The following ADAM9 variants were observed in gnomAD, a reference collection of about 807,000 sequenced individuals.
ADAM9 encodes the protein disintegrin and metalloproteinase domain-containing protein 9.
In ADAM9, 54 loss-of-function variants were observed where a neutral mutation model predicts 108.1. That is an observed-to-expected ratio of 0.50 (90% CI 0.40 to 0.63). ADAM9 has a LOEUF of 0.63. Ranked by LOEUF, ADAM9 falls within the 20% of genes least tolerant of loss-of-function variation. ADAM9 has a pLI of 0.00. For missense variants in ADAM9, 830 were observed against 997.7 expected, an observed-to-expected ratio of 0.83 and a Z score of 2.26; for synonymous variants, 316 against 336.0, an observed-to-expected ratio of 0.94 and a Z score of 0.65.
intron 12 of ADAM9, among the ~76,000 whole-genome samples, chr8:39,045,191 C>CATATGTGT (rs1837645617): frequency 4.9e-5 from 4 of 82,340 alleles, no homozygotes; most frequent in Admixed American, 1.2e-4. Flanking sequence ...TGTATACATA[C>CATATGTGT]ATATATGTGT....
rs1319468379 is a variant in ADAM9, at chr8:39,039,793, CTTTG to C, written c.1131-2145_1131-2142del. 9.8e-5 allele frequency among the ~76,000 whole-genome samples: 15 copies of C among 152,286 alleles called. No individual in the cohort carries two copies. The East Asian group carries it at 2.9e-3, about 29-fold the overall frequency. ...AGTTTTGTCCATTCAACTGTTGACA[CTTTG>C]TTTGTTTCCATATCTTGGCTAATGC... On this transcript the variant is annotated intron_variant, in intron 11 of 21. Coordinates refer to ENST00000487273, the MANE Select transcript of ADAM9 (RefSeq NM_003816.3).
chr8:39,054,137 C>G lies in ADAM9; in HGVS notation c.1303-344C>G, dbSNP rs546675839. Among the ~76,000 whole-genome samples, 20 of 152,278 alleles carry G rather than the reference C, an allele frequency of 1.3e-4. No homozygotes were observed. The South Asian group carries it at 4.1e-3, about 32-fold the overall frequency. On this transcript the variant is annotated intron_variant, in intron 12 of 21. Coordinates refer to ENST00000487273, the MANE Select transcript of ADAM9 (RefSeq NM_003816.3). ...CTGCAAGCCAGGAAGAGAATCCTCA[C>G]TAGAAACTGAACTAGTAGGAACCTT...
At chr8:39,020,154 G>A (rs562593479) in intron 7 of ADAM9, among the ~76,000 whole-genome samples, 180 of 152,208 alleles carry the variant, frequency 1.2e-3, no homozygotes, top group African/African-American at 4.3e-3. Context: ...GCGTGGTGGC[G>A]GGCGCCTGTG....
rs575694943 is a variant in ADAM9 at position 39,025,671 on chromosome 8, A to G, written c.915-132A>G. The G allele has an allele frequency of 1.4e-5, 9 of 625,964 alleles. No homozygotes were observed. The African/African-American group carries it at 1.7e-4, about 12-fold the overall frequency. The allele number at this position is 625,964 out of a possible 1,614,324, so 38.8% of individuals were successfully genotyped here. On this transcript the variant is annotated intron_variant, in intron 9 of 21. Coordinates refer to ENST00000487273, the MANE Select transcript of ADAM9 (RefSeq NM_003816.3). ...GGCATAAGTATATTCTGATTTTAGA[A>G]TTTTTTTTTTTTGCCATTTTCCTGC...
In ADAM9 at chr8:39,028,554, G is replaced by A. The variant is rs186818555; in HGVS notation, c.1130+1744G>A. On this transcript the variant is annotated intron_variant, in intron 11 of 21. Transcript: ENST00000487273. ...TAAAATAAAAAAGAAGCATTCAGAG[G>A]TAAGGAGGGAATGTTATGAAACAGT... Among the ~76,000 whole-genome samples the A allele has an allele frequency of 2.4e-3, 371 of 152,310 alleles. 2 individuals carry two copies. Among genetic ancestry groups the A allele is most frequent in the South Asian group, 4.8e-3 (23 of 4,826 alleles).
rs778920955 is a variant in ADAM9, at chr8:39,105,035, T to C, written c.*1335T>C. ...CTCCTAGTAGCTTCCTACTCAACTA[T>C]TTATAATCTCATTAATTAAAAAGTT... On this transcript the variant is annotated 3_prime_UTR_variant, in exon 22 of 22. Transcript: ENST00000487273. 8.9e-5 allele frequency: 37 copies of C among 413,740 alleles called. 2 individuals carry two copies. The highest frequency in any genetic ancestry group is 6.7e-4 in the South Asian group (37 of 55,124). The allele number at this position is 413,740 out of a possible 1,614,324, so 25.6% of individuals were successfully genotyped here.
chr8:39,066,878 A>T (rs41396550), intron 14 of ADAM9, among the ~76,000 whole-genome samples: 4 of 152,084 alleles, frequency 2.6e-5, no homozygotes, highest in African/African-American at 9.7e-5. Context: ...GGTTTGTATG[A>T]TTTTGGGTCT....
intron 12 of ADAM9, among the ~76,000 whole-genome samples, chr8:39,044,272 CG>C (rs1243900139): frequency 6.6e-6 from 1 of 152,082 alleles, no homozygotes; most frequent in Non-Finnish European, 1.5e-5. Flanking sequence ...TTGTGTATGG[CG>C]TAAGATAAGG....
At chr8:39,008,011 T>A in intron 2 of ADAM9, 28 bp downstream of exon 2, 1 of 1,514,744 alleles carries the variant, frequency 6.6e-7, no homozygotes, top group Non-Finnish European at 9.1e-7. Flanking sequence ...AGAAATAATA[T>A]GTGGTTAATT....
At chr8:39,004,141 C>T (rs1219536346) in intron 1 of ADAM9, among the ~76,000 whole-genome samples, 4 of 151,790 alleles carry the variant, frequency 2.6e-5, no homozygotes, top group Non-Finnish European at 5.9e-5. Context: ...TGAGTTGTAA[C>T]GAAAAAACTT....
intron 11 of ADAM9, among the ~76,000 whole-genome samples, chr8:39,034,374 T>G (rs1301540836): frequency 2.0e-5 from 3 of 152,196 alleles, no homozygotes; most frequent in African/African-American, 7.2e-5. Flanking sequence ...GTGCCTTAAC[T>G]CCATTCATCA....
chr8:39,094,520 T>G (rs1158784832), intron 20 of ADAM9, among the ~76,000 whole-genome samples: 1 of 152,228 alleles, frequency 6.6e-6, no homozygotes, highest in Non-Finnish European at 1.5e-5. Flanking sequence ...TTTAAATGTT[T>G]GGTAGAATTC....
intron 11 of ADAM9, among the ~76,000 whole-genome samples, chr8:39,027,337 A>G (rs577808413): frequency 1.3e-5 from 2 of 152,330 alleles, no homozygotes; most frequent in African/African-American, 2.4e-5. Context: ...TATAGAGATA[A>G]AGGTGGGAGG....
Position 39,104,273 on chromosome 8 carries a change from A to G in ADAM9, c.*573A>G, listed in dbSNP as rs1839793768. 13 of 452,894 alleles carry G rather than the reference A, an allele frequency of 2.9e-5. No individual in the cohort carries two copies. Among genetic ancestry groups the G allele is most frequent in the South Asian group, 1.6e-4 (10 of 64,244 alleles). 28.1% of individuals were successfully genotyped at this position (452,894 alleles called of 1,614,324 possible). ...AAAGAATGCACAAGAACCACAATTA[A>G]GATGTCATATTATTTTGAAAGTACA... On this transcript the variant is annotated 3_prime_UTR_variant, in exon 22 of 22. Transcript: ENST00000487273.
At chr8:39,035,144 G>GT (rs1474045679) in intron 11 of ADAM9, among the ~76,000 whole-genome samples, 8 of 151,750 alleles carry the variant, frequency 5.3e-5, no homozygotes, top group African/African-American at 9.7e-5. Flanking sequence ...ATCTTTTTGT[G>GT]TTTTTTTCTT....
intron 12 of ADAM9, among the ~76,000 whole-genome samples, chr8:39,043,343 C>A (rs1366917152): frequency 6.6e-6 from 1 of 152,074 alleles, no homozygotes; most frequent in Non-Finnish European, 1.5e-5. Flanking sequence ...TTTAAAAGAA[C>A]CTTCGTACTA....
intron 8 of ADAM9, among the ~76,000 whole-genome samples, chr8:39,022,239 C>CGAT (rs138102081): frequency 6.6e-6 from 1 of 151,994 alleles, no homozygotes; most frequent in Non-Finnish European, 1.5e-5. Context: ...GTGATGATGA[C>CGAT]GATGATGATG....
chr8:39,089,997 T>G, intron 18 of ADAM9, 50 bp from the exon 19 acceptor site: 1 of 1,569,960 alleles, frequency 6.4e-7, no homozygotes, highest in Non-Finnish European at 8.8e-7. Flanking sequence ...TCTAGTATTT[T>G]CTGCCTAGTA....
chr8:38,997,246 A>G, intron 1 of ADAM9, 86 bp downstream of exon 1: 1 of 1,444,888 alleles, frequency 6.9e-7, no homozygotes, highest in Non-Finnish European at 9.4e-7. Context: ...CTGGGAGTGG[A>G]GGGGCCCGGC....
Sources: gnomAD v4.1 joint callset for allele counts (sites outside exome capture counted in the v4.1 genomes callset) on GRCh38, gnomAD v4.1.1 for gene constraint, MANE v1.5 for transcripts, NCBI Gene and HGNC (gene_info 2026-07-23, HGNC 2026-07-21) for gene names.